The following FAM124A variants were observed in gnomAD, a reference collection of about 807,000 sequenced individuals.
FAM124A encodes family with sequence similarity 124 member A.
In FAM124A, 23 loss-of-function variants were observed where a neutral mutation model predicts 24.5. That is an observed-to-expected ratio of 0.94 (90% CI 0.68 to 1.33). The LOEUF is 1.33. FAM124A is among the 40% of genes most tolerant of loss of function. The pLI, the probability that FAM124A is intolerant of heterozygous loss-of-function variation, is 0.00. For missense variants in FAM124A, 623 were observed against 722.8 expected (o/e 0.86, Z 1.58); for synonymous variants, 287 against 314.7 (o/e 0.91, Z 0.93).
intron 3 of FAM124A, among the ~76,000 whole-genome samples, chr13:51,253,893 T>C (rs191499988): frequency 1.3e-5 from 2 of 152,308 alleles, no homozygotes; most frequent in South Asian, 2.1e-4. Flanking sequence ...CTTGTTCAAA[T>C]AGTAATATGT....
rs3045985 is a variant in FAM124A at position 51,283,767 on chromosome 13, C to CAAAAAAAA, written c.*2532_*2539dup. 3.7e-4 allele frequency: 13 copies of CAAAAAAAA among 34,718 alleles called. 2 individuals are homozygous for CAAAAAAAA. The highest frequency in any genetic ancestry group is 5.0e-4 in the Admixed American group (1 of 2,020). The allele number at this position is 34,718 out of a possible 1,614,324, so 2.2% of individuals were successfully genotyped here. Reference sequence around the variant, plus strand: ...TCATCAGTAACAAAAGTCAGTGAGGCAAAAAAAAAAAAAAAAAAAAAAAAA... The same window carrying CAAAAAAAA: ...TCATCAGTAACAAAAGTCAGTGAGGCAAAAAAAAAAAAAAAAAAAAAAAAAAAAAAAAA... On this transcript the variant is annotated 3_prime_UTR_variant, in exon 4 of 4. Transcript: ENST00000322475.
intron 2 of FAM124A, among the ~76,000 whole-genome samples, chr13:51,246,493 A>G (rs1362940758): frequency 1.3e-5 from 2 of 150,360 alleles, no homozygotes; most frequent in Non-Finnish European, 3.0e-5. Context: ...TGCAGCGGGT[A>G]CGTGCTAGTG....
At chr13:51,278,908 A>T (rs1182976131) in intron 3 of FAM124A, among the ~76,000 whole-genome samples, 2 of 152,236 alleles carry the variant, frequency 1.3e-5, no homozygotes, top group Non-Finnish European at 2.9e-5. Flanking sequence ...GTCCCCTGGC[A>T]TTCCTTGCAT....
intron 3 of FAM124A, among the ~76,000 whole-genome samples, chr13:51,276,110 G>T (rs755440775): frequency 2.9e-4 from 44 of 152,224 alleles, no homozygotes; most frequent in Admixed American, 5.9e-4. Flanking sequence ...CAAGGCTCAA[G>T]GGGTAGGCCG....
rs1039459298 is a variant in FAM124A at position 51,247,605 on chromosome 13, G to A, written c.101-3863G>A. ...CTTTTCCCAGACTTTCCTTTACTTC[G>A]CATGGTGTTTTTCCCCCCTCATTAA... On this transcript the variant is annotated intron_variant, in intron 2 of 3. Coordinates refer to ENST00000322475, the MANE Select transcript of FAM124A (RefSeq NM_001242312.2). Among the ~76,000 whole-genome samples the A allele has an allele frequency of 7.2e-5, 11 of 152,046 alleles. No homozygotes were observed. The South Asian group carries it at 8.3e-4, about 11-fold the overall frequency.
chr13:51,261,495 G>A (rs1047807485), intron 3 of FAM124A, among the ~76,000 whole-genome samples: 5 of 152,186 alleles, frequency 3.3e-5, no homozygotes, highest in Admixed American at 6.5e-5. Flanking sequence ...AGGTATAAGT[G>A]ACATCATTGC....
In FAM124A at chr13:51,280,540, G is replaced by A. The variant is rs749561529; in HGVS notation, c.925G>A (p.Ala309Thr). 4 of 1,613,962 alleles carry A rather than the reference G, an allele frequency of 2.5e-6. No homozygotes were observed. The South Asian group carries it at 3.3e-5, about 13-fold the overall frequency. The change falls in exon 4 of 4, where the codon GCT (alanine) becomes ACT (threonine). Residue 309 changes from alanine (A) to threonine (T), a missense_variant. Transcript: ENST00000322475. ...KRHSTPLPST[A>T]VPSHTPGSSQ... is the part of the protein sequence containing the mutation. ...TCATTCCACTCCTTTGCCGAGCACT[G>A]CTGTACCAAGCCATACACCTGGCAG... is the stretch of plus-strand genomic sequence containing the variant.
chr13:51,260,086 C>T (rs980818006), intron 3 of FAM124A, among the ~76,000 whole-genome samples: 1 of 152,026 alleles, frequency 6.6e-6, no homozygotes, highest in African/African-American at 2.4e-5. Flanking sequence ...CTCCTGGGGC[C>T]GTGGTGTCTG....
At chr13:51,226,886 G>A (rs986073721) in intron 1 of FAM124A, among the ~76,000 whole-genome samples, 1 of 152,122 alleles carries the variant, frequency 6.6e-6, no homozygotes, top group African/African-American at 2.4e-5. Flanking sequence ...ACCTCTCTCT[G>A]CTCTCAGTTT....
chr13:51,257,912 T>C (rs1027016788), intron 3 of FAM124A, among the ~76,000 whole-genome samples: 7 of 152,248 alleles, frequency 4.6e-5, no homozygotes, highest in South Asian at 2.1e-4. Flanking sequence ...GGTTTTAACA[T>C]AGTACCACAA....
At chr13:51,245,844 T>G (rs984907945) in intron 2 of FAM124A, among the ~76,000 whole-genome samples, 1 of 152,186 alleles carries the variant, frequency 6.6e-6, no homozygotes, top group African/African-American at 2.4e-5. Context: ...AATAAATGGT[T>G]GCTATTGTCT....
chr13:51,224,327 C>T (rs1349902083), intron 1 of FAM124A, among the ~76,000 whole-genome samples: 1 of 152,122 alleles, frequency 6.6e-6, no homozygotes, highest in African/African-American at 2.4e-5. Flanking sequence ...CAGAATTAGC[C>T]AGGTGTGGTG....
chr13:51,263,797 A>G (rs1040519665), intron 3 of FAM124A, among the ~76,000 whole-genome samples: 1 of 152,224 alleles, frequency 6.6e-6, no homozygotes, highest in African/African-American at 2.4e-5. Flanking sequence ...GTGAATATAT[A>G]CATGCAGGAT....
At chr13:51,244,529 T>G (rs915226144) in intron 2 of FAM124A, among the ~76,000 whole-genome samples, 4 of 152,220 alleles carry the variant, frequency 2.6e-5, no homozygotes, top group Non-Finnish European at 5.9e-5. Flanking sequence ...GTACCTGAGC[T>G]TGTCATATCC....
rs2137721204 is a variant in FAM124A at position 51,283,385 on chromosome 13, C to T, written c.*2129C>T. 6.6e-6 allele frequency: 1 copy of T among 152,128 alleles called. No homozygotes were observed. The highest frequency in any genetic ancestry group is 1.5e-5 in the Non-Finnish European group (1 of 68,010). 9.4% of individuals were successfully genotyped at this position (152,128 alleles called of 1,614,324 possible). A position where few individuals can be genotyped will look rare whatever the true frequency, so the allele number is the denominator to read the frequency against. On this transcript the variant is annotated 3_prime_UTR_variant, in exon 4 of 4. Coordinates refer to ENST00000322475, the MANE Select transcript of FAM124A (RefSeq NM_001242312.2). ...GAACAGCTGGTGGGCCAGATTTGGC[C>T]CAAGGGTCATAGTTTATTATCCCTT... is the stretch of plus-strand genomic sequence containing the variant.
chr13:51,277,261 G>A (rs116061656), intron 3 of FAM124A, among the ~76,000 whole-genome samples: 1,554 of 149,774 alleles, frequency 0.01, 22 homozygotes, highest in African/African-American at 0.035. Flanking sequence ...TCATTTAGAA[G>A]TGAGACCTAA....
At chr13:51,273,483 G>A (rs1191224639) in intron 3 of FAM124A, among the ~76,000 whole-genome samples, 1 of 152,192 alleles carries the variant, frequency 6.6e-6, no homozygotes, top group Non-Finnish European at 1.5e-5. Flanking sequence ...ATGTTGCCCA[G>A]GCCGGTCTCA....
At chr13:51,222,595 GGC>G in intron 1 of FAM124A, 26 bp downstream of exon 1, 2 of 1,219,922 alleles carry the variant, frequency 1.6e-6, no homozygotes. Context: ...CCGGGCCGCG[GGC>G]GGGGGGCGCT....
intron 1 of FAM124A, among the ~76,000 whole-genome samples, chr13:51,228,935 C>T (rs979608561): frequency 2.0e-5 from 3 of 152,128 alleles, no homozygotes; most frequent in Non-Finnish European, 4.4e-5. Flanking sequence ...CAGGAGCGAT[C>T]ATTTAGCCAA....
Sources: allele counts gnomAD v4.1 joint callset (sites outside exome capture counted in the v4.1 genomes callset), GRCh38; gene constraint gnomAD v4.1.1; transcripts MANE v1.5; gene names NCBI Gene and HGNC (gene_info 2026-07-23, HGNC 2026-07-21).